VAPA: variants seen among roughly 807,000 people sequenced by gnomAD.
VAPA encodes the protein vesicle-associated membrane protein-associated protein A.
A neutral mutation model predicts 25.6 loss-of-function variants in VAPA; 6 were observed. The ratio of observed to expected loss-of-function variants is 0.23; its 90% confidence interval spans 0.13 to 0.46. VAPA has a LOEUF of 0.46. VAPA is among the 20% of genes least tolerant of loss of function. VAPA has a pLI of 0.99. For missense variants in VAPA, 244 were observed against 302.1 expected (o/e 0.81, Z 1.43); for synonymous variants, 112 against 106.2 (o/e 1.05, Z -0.34).
At chr18:9,914,570 G>C (rs1416848037) in intron 1 of VAPA, 2 of 202,038 alleles carry the variant, frequency 9.9e-6, no homozygotes, top group Non-Finnish European at 2.0e-5. Flanking sequence ...CGCGCCGGCC[G>C]GGGCGAGGCG....
At chr18:9,922,753 CT>C (rs1405536685) in intron 1 of VAPA, among the ~76,000 whole-genome samples, 1 of 152,062 alleles carries the variant, frequency 6.6e-6, no homozygotes, top group Non-Finnish European at 1.5e-5. Flanking sequence ...GCAGAGAGGT[CT>C]TTTGATCCCA....
Sources: allele counts gnomAD v4.1 joint callset (sites outside exome capture counted in the v4.1 genomes callset), GRCh38; gene constraint gnomAD v4.1.1; transcripts MANE v1.5; gene names NCBI Gene and HGNC (gene_info 2026-07-23, HGNC 2026-07-21).